The following FGF13 variants were observed in gnomAD, a reference collection of about 807,000 sequenced individuals.
FGF13 encodes the protein fibroblast growth factor 13.
In FGF13, 2 loss-of-function variants were observed where a neutral mutation model predicts 19.5. The ratio of observed to expected loss-of-function variants is 0.10; its 90% CI spans 0.04 to 0.32. The LOEUF is 0.32. FGF13 is among the 10% of genes least tolerant of loss of function. The pLI, the probability that FGF13 is intolerant of heterozygous loss-of-function variation, is 1.00. For synonymous variants in FGF13, 72 were observed against 76.9 expected (o/e 0.94, Z 0.33); for missense variants, 113 against 192.7 (o/e 0.59, Z 2.45).
chrX:139,096,779 T>C (rs1316801265), intron 1 of FGF13, among the ~76,000 whole-genome samples: 1 of 112,137 alleles, frequency 8.9e-6, no homozygotes, highest in Non-Finnish European at 1.9e-5. Flanking sequence ...AATTTAACAA[T>C]TTCAATAAGA....
chrX:138,632,964 T>C lies in FGF13; in HGVS notation c.624A>G (p.Ser208=). Residue 208 remains serine, a synonymous_variant, in exon 5 of 5, where the codon TCA becomes TCG. Transcript: ENST00000315930. The stretch of plus-strand genomic sequence containing the variant: ...GGGAGAACTCCGTGAGATCGTGCAG[T>C]GATGGCTCCTTGTACATGGCCACTG... The part of the protein sequence containing the change: ...PLKVAMYKEP[S]LHDLTEFSRS... 1.7e-6 allele frequency: 2 copies of C among 1,209,671 alleles called. No individual in the cohort carries two copies. The highest frequency in any genetic ancestry group is 3.5e-5 in the South Asian group (2 of 56,614).
exon 2 of FGF13, chrX:138,864,624 T>C (rs1384213868): frequency 8.9e-6 from 1 of 112,354 alleles, no homozygotes; most frequent in Non-Finnish European, 1.9e-5. Flanking sequence ...CAAAGGCCCA[T>C]GTGGCCAGGG....
intron 3 of FGF13, among the ~76,000 whole-genome samples, chrX:138,815,568 A>G (rs1264783308): frequency 2.7e-5 from 3 of 110,649 alleles, no homozygotes; most frequent in African/African-American, 9.8e-5. Flanking sequence ...AGAAATAGAC[A>G]TAAGAAAATA....
At position 138,904,785 on chromosome X, in the gene FGF13, G is replaced by T. The variant is rs757945524; in HGVS notation, c.-112-40135C>A. Among the ~76,000 whole-genome samples the T allele has an allele frequency of 8.1e-5, 9 of 111,236 alleles. No homozygotes were observed. In the South Asian group the frequency reaches 3.4e-3, roughly 42 times the overall value. On this transcript the variant is annotated intron_variant, in intron 1 of 2. Coordinates refer to the FGF13 transcript ENST00000421460. ...GTTAGTTGGGAAAAGGGACATGCGC[G>T]CTCCAAGAGAACAAATCACATGGGC...
At chrX:138,804,781 G>A (rs1183253054) in intron 3 of FGF13, among the ~76,000 whole-genome samples, 1 of 112,033 alleles carries the variant, frequency 8.9e-6, no homozygotes, top group Non-Finnish European at 1.9e-5. Flanking sequence ...TTTGTACTAT[G>A]TTGTGGTAAA....
At chrX:138,634,096 G>T (rs2089153458) in intron 4 of FGF13, among the ~76,000 whole-genome samples, 1 of 112,197 alleles carries the variant, frequency 8.9e-6, no homozygotes, top group South Asian at 3.6e-4. Flanking sequence ...TGCTAATAAT[G>T]ATGGGAAAAC....
chrX:138,772,955 G>A lies in FGF13; in HGVS notation c.218-64027C>T, dbSNP rs1602823337. On this transcript the variant is annotated intron_variant, in intron 3 of 6. Transcript: ENST00000436198. The stretch of plus-strand genomic sequence containing the variant: ...AGTGGGCTCAAATCATAGTAGCATA[G>A]AAGAATATTTCTGCACTATTGACCG... 8.2e-5 allele frequency among the ~76,000 whole-genome samples: 9 copies of A among 109,559 alleles called. No individual in the cohort carries two copies. In the South Asian group the frequency reaches 3.6e-3, roughly 43 times the overall value.
chrX:139,189,079 A>G (rs1451457964), intron 1 of FGF13, among the ~76,000 whole-genome samples: 1 of 110,242 alleles, frequency 9.1e-6, no homozygotes, highest in Non-Finnish European at 1.9e-5. Context: ...ACACACACAC[A>G]CACACACACA....
chrX:138,665,498 A>G (rs2089533252), intron 3 of FGF13, among the ~76,000 whole-genome samples: 1 of 111,527 alleles, frequency 9.0e-6, no homozygotes, highest in Admixed American at 9.6e-5. Flanking sequence ...AAACACTTAG[A>G]ATATGTGTAT....
intron 3 of FGF13, among the ~76,000 whole-genome samples, chrX:138,657,939 C>T (rs913750121): frequency 3.6e-5 from 4 of 111,857 alleles, no homozygotes; most frequent in Non-Finnish European, 7.5e-5. Context: ...CTTATAGAGT[C>T]GCTTCTGATT....
chrX:138,933,145 A>C (rs111748534), intron 1 of FGF13, among the ~76,000 whole-genome samples: 169 of 111,681 alleles, frequency 1.5e-3, no homozygotes, highest in African/African-American at 5.4e-3. Context: ...CACTGCCTGC[A>C]GGACTAAGTT....
chrX:138,857,089 T>C (rs2091262171), downstream of FGF13, among the ~76,000 whole-genome samples: 1 of 111,880 alleles, frequency 8.9e-6, no homozygotes. Flanking sequence ...GCAAAAGCTT[T>C]ATGGAGTGAA....
At chrX:139,058,382 C>T (rs1363397039) in intron 1 of FGF13, among the ~76,000 whole-genome samples, 1 of 111,912 alleles carries the variant, frequency 8.9e-6, no homozygotes, top group Non-Finnish European at 1.9e-5. Flanking sequence ...GCAGATTTCT[C>T]CTTTCCATCT....
At chrX:139,198,596 T>C (rs1223698941) in intron 1 of FGF13, among the ~76,000 whole-genome samples, 1 of 112,478 alleles carries the variant, frequency 8.9e-6, no homozygotes, top group Non-Finnish European at 1.9e-5. Flanking sequence ...AGAACTGCTT[T>C]ACAGTAATCA....
At chrX:138,958,813 G>T (rs974815578) in intron 1 of FGF13, among the ~76,000 whole-genome samples, 51 of 111,752 alleles carry the variant, frequency 4.6e-4, no homozygotes, top group Non-Finnish European at 8.5e-4. Flanking sequence ...TTGTGTAGAG[G>T]TGTTTATAGT....
chrX:139,113,896 G>C (rs2083621108), intron 1 of FGF13, among the ~76,000 whole-genome samples: 1 of 111,801 alleles, frequency 8.9e-6, no homozygotes, highest in African/African-American at 3.3e-5. Context: ...AATATTCTCA[G>C]ATTCTGGCTC....
At chrX:139,183,411 G>A (rs1285738893) in intron 1 of FGF13, among the ~76,000 whole-genome samples, 3 of 111,513 alleles carry the variant, frequency 2.7e-5, no homozygotes, top group Non-Finnish European at 3.8e-5. Flanking sequence ...GTTGAAACGC[G>A]ACCTCCAGTG....
intron 1 of FGF13, among the ~76,000 whole-genome samples, chrX:138,966,172 C>A (rs1272998986): frequency 3.6e-5 from 4 of 111,517 alleles, no homozygotes; most frequent in Non-Finnish European, 3.8e-5. Context: ...GTCGGAGCCT[C>A]CCCCCACCCC....
At chrX:138,857,878 G>A (rs1042426121) in intron 2 of FGF13, among the ~76,000 whole-genome samples, 1 of 111,959 alleles carries the variant, frequency 8.9e-6, no homozygotes, top group African/African-American at 3.2e-5. Context: ...ATAGCTACTC[G>A]ACTATATATA....
Sources: allele counts gnomAD v4.1 joint callset (sites outside exome capture counted in the v4.1 genomes callset), GRCh38; gene constraint gnomAD v4.1.1; transcripts MANE v1.5; gene names NCBI Gene and HGNC (gene_info 2026-07-23, HGNC 2026-07-21).